The following NOS1 variants were observed in gnomAD, a reference collection of about 807,000 sequenced individuals.
The protein encoded by NOS1 is nitric oxide synthase 1.
Under a neutral mutation model 164.5 loss-of-function variants are expected in NOS1, and 51 were observed. That is an observed-to-expected ratio of 0.31 (90% CI 0.25 to 0.39). The LOEUF (loss-of-function observed/expected upper bound fraction) is 0.39, where lower values mean the gene tolerates loss of function less well. Ranked by LOEUF, NOS1 falls within the 10% of genes least tolerant of loss-of-function variation. The pLI is 1.00. For synonymous variants in NOS1, 719 were observed against 745.8 expected (o/e 0.96, Z 0.59); for missense variants, 1,362 against 1,885.6 (o/e 0.72, Z 5.14).
intron 2 of NOS1, among the ~76,000 whole-genome samples, chr12:117,323,501 G>A: frequency 6.6e-6 from 1 of 152,190 alleles, no homozygotes; most frequent in Non-Finnish European, 1.5e-5. Flanking sequence ...TGTGTGATCT[G>A]GGACAAGTGA....
chr12:117,251,739 C>CT (rs1378294105), intron 17 of NOS1, among the ~76,000 whole-genome samples: 3 of 148,244 alleles, frequency 2.0e-5, no homozygotes, highest in East Asian at 4.0e-4. Flanking sequence ...TCTTGGCAAA[C>CT]TTTTTTTTTT....
chr12:117,241,129 G>A (rs1566035058), intron 20 of NOS1, among the ~76,000 whole-genome samples: 3 of 151,664 alleles, frequency 2.0e-5, no homozygotes, highest in Admixed American at 6.6e-5. Context: ...TAGTACAGAC[G>A]GGGTTTCACC....
At chr12:117,339,462 T>C (rs1875994540) in intron 1 of NOS1, among the ~76,000 whole-genome samples, 1 of 152,256 alleles carries the variant, frequency 6.6e-6, no homozygotes, top group Admixed American at 6.5e-5. Context: ...AATGGCAGTT[T>C]GACAATATCT....
Position 117,210,690 on chromosome 12 carries a change from C to A in NOS1, c.*4619G>T. On this transcript the variant is annotated 3_prime_UTR_variant, in exon 29 of 29. Coordinates refer to ENST00000317775, the MANE Select transcript of NOS1 (RefSeq NM_000620.5). Reference sequence around the variant, plus strand: ...CCTCTCACTTGTTTTGAGCTTAGGGCAAGACCTGACCTCTTTCAAAGTCCA... The same window carrying A: ...CCTCTCACTTGTTTTGAGCTTAGGGAAAGACCTGACCTCTTTCAAAGTCCA... 1 of 985,412 alleles carries A rather than the reference C, an allele frequency of 1.0e-6. No homozygotes were observed. Among genetic ancestry groups the A allele is most frequent in the Non-Finnish European group, 1.2e-6 (1 of 829,950 alleles). The allele number at this position is 985,412 out of a possible 1,614,324, so 61.0% of individuals were successfully genotyped here. A position where few individuals can be genotyped will look rare whatever the true frequency, so the allele number is the denominator to read the frequency against.
chr12:117,272,605 TGGGC>T lies in NOS1; in HGVS notation c.1665-50_1665-47del. 6.4e-7 allele frequency: 1 copy of T among 1,571,844 alleles called. No homozygotes were observed. The highest frequency in any genetic ancestry group is 8.7e-7 in the Non-Finnish European group (1 of 1,153,178). On this transcript the variant is annotated intron_variant, in intron 9 of 28. Transcript: ENST00000317775. This position sits in a 1 kb window ranked among gnomAD's most constrained non-coding sequence, Gnocchi z 4.3. ...CAGCTCACCCGGAGCAGGTGTCTCA[TGGGC>T]GGGACAGCTTGAATCTAGAGATGCT...
intron 23 of NOS1, 30 bp downstream of exon 23, chr12:117,227,401 T>A (rs1366288219): frequency 6.2e-7 from 1 of 1,608,300 alleles, no homozygotes; most frequent in East Asian, 2.2e-5. Context: ...AAAATGCAGC[T>A]GAGGAGGCTC....
At chr12:117,223,051 A>G (rs1436265558) in intron 25 of NOS1, among the ~76,000 whole-genome samples, 188 bp from the exon 26 acceptor site, 1 of 152,148 alleles carries the variant, frequency 6.6e-6, no homozygotes, top group African/African-American at 2.4e-5. Flanking sequence ...GCACATGCAC[A>G]CACATACACA....
intron 13 of NOS1, among the ~76,000 whole-genome samples, chr12:117,263,639 A>C (rs1368364202): frequency 1.3e-5 from 2 of 151,150 alleles, no homozygotes. Context: ...CTGGTTCACC[A>C]ACACACCATT....
rs144520028 is a variant in NOS1 at position 117,351,960 on chromosome 12, T to C, written c.-421+9552A>G. On this transcript the variant is annotated intron_variant, in intron 1 of 28. Transcript: ENST00000317775. ...TTTTGGGAGGCCCAGGTGGGTGGAA[T>C]GCTTGAGCCCAGGAACTTGAAACCA... Among the ~76,000 whole-genome samples, 13 of 152,226 alleles carry C rather than the reference T, an allele frequency of 8.5e-5. No homozygotes were observed. In the East Asian group the frequency reaches 2.5e-3, roughly 30 times the overall value.
chr12:117,258,059 T>G (rs1871605005), intron 16 of NOS1, among the ~76,000 whole-genome samples: 1 of 152,112 alleles, frequency 6.6e-6, no homozygotes, highest in Non-Finnish European at 1.5e-5. Context: ...TGCCTCGGCC[T>G]CCCAAAGTGC....
chr12:117,282,580 C>T (rs982601333), intron 7 of NOS1, among the ~76,000 whole-genome samples: 2 of 152,182 alleles, frequency 1.3e-5, no homozygotes, highest in Non-Finnish European at 2.9e-5. Context: ...GTCTTGCTCT[C>T]TACACAAGAC....
rs189439373 is a variant in NOS1 at position 117,239,273 on chromosome 12, C to T, written c.3041+3354G>A. ...CCAGACATCCCGGTGCTGACCTTGA[C>T]TTCTGCTGTTCTTTCTTTCTGGACC... On this transcript the variant is annotated intron_variant, in intron 20 of 28. Coordinates refer to ENST00000317775, the MANE Select transcript of NOS1 (RefSeq NM_000620.5). Among the ~76,000 whole-genome samples, 13 of 152,330 alleles carry T rather than the reference C, an allele frequency of 8.5e-5. No homozygotes were observed. In the East Asian group the frequency reaches 2.5e-3, roughly 29 times the overall value.
Position 117,211,992 on chromosome 12 carries a change from G to A in NOS1, c.*3317C>T, listed in dbSNP as rs2135910137. 1.4e-6 allele frequency: 1 copy of A among 709,684 alleles called. No individual in the cohort carries two copies. Among genetic ancestry groups the A allele is most frequent in the Non-Finnish European group, 1.7e-6 (1 of 578,054 alleles). The allele number at this position is 709,684 out of a possible 1,614,324, so 44.0% of individuals were successfully genotyped here. Reference sequence around the variant, plus strand: ...AGGCAGAAGAATCACTTGAACTGGGGGAGGCAGAGGATGCAGTGAGCTGAG... The same window carrying A: ...AGGCAGAAGAATCACTTGAACTGGGAGAGGCAGAGGATGCAGTGAGCTGAG... On this transcript the variant is annotated 3_prime_UTR_variant, in exon 29 of 29. Coordinates refer to ENST00000317775, the MANE Select transcript of NOS1 (RefSeq NM_000620.5).
In NOS1 at chr12:117,210,244, G is replaced by C. The variant is rs1956507062; in HGVS notation, c.*5065C>G. ...GATCCTCCCACCTCAGTCTCCCAAAGTGCTATTACAGGCATGAACCACCAT... is the reference window on the plus strand; with the variant it reads ...GATCCTCCCACCTCAGTCTCCCAAACTGCTATTACAGGCATGAACCACCAT... On this transcript the variant is annotated 3_prime_UTR_variant, in exon 29 of 29. Transcript: ENST00000317775. The C allele has an allele frequency of 1.0e-6, 1 of 965,746 alleles. No individual in the cohort carries two copies. Among genetic ancestry groups the C allele is most frequent in the African/African-American group, 1.8e-5 (1 of 56,638 alleles). The allele number at this position is 965,746 out of a possible 1,614,324, so 59.8% of individuals were successfully genotyped here.
At chr12:117,298,296 A>C (rs1055213796) in intron 3 of NOS1, among the ~76,000 whole-genome samples, 13 of 152,030 alleles carry the variant, frequency 8.6e-5, no homozygotes, top group Admixed American at 4.6e-4. Flanking sequence ...TGAGAATCTA[A>C]GGCCACCACT....
intron 17 of NOS1, among the ~76,000 whole-genome samples, chr12:117,251,389 G>A (rs1483190187): frequency 2.0e-5 from 3 of 151,838 alleles, no homozygotes; most frequent in East Asian, 1.9e-4. Context: ...CTTCTTGGTG[G>A]GCCTGAGGAC....
At chr12:117,253,791 G>A in intron 16 of NOS1, 37 bp from the exon 17 acceptor site, 4 of 1,430,200 alleles carry the variant, frequency 2.8e-6, no homozygotes, top group South Asian at 1.1e-5. Flanking sequence ...GCTCTGGCCT[G>A]GAGCTCCCTC....
At chr12:117,303,470 G>A (rs1213194439) in intron 3 of NOS1, among the ~76,000 whole-genome samples, 1 of 152,040 alleles carries the variant, frequency 6.6e-6, no homozygotes, top group African/African-American at 2.4e-5. Flanking sequence ...CTTGGGGAGT[G>A]GGATTTCGAT....
chr12:117,303,447 T>A (rs1241689829), intron 3 of NOS1, among the ~76,000 whole-genome samples: 2 of 152,108 alleles, frequency 1.3e-5, no homozygotes, highest in Non-Finnish European at 2.9e-5. Context: ...GCCTTGATCC[T>A]CAGGTGGCTG....
Sources: gnomAD v4.1 joint callset for allele counts (sites outside exome capture counted in the v4.1 genomes callset) on GRCh38, gnomAD v4.1.1 for gene constraint, Gnocchi (gnomAD v3.1) non-coding constraint, MANE v1.5 for transcripts, NCBI Gene and HGNC (gene_info 2026-07-23, HGNC 2026-07-21) for gene names.